The following SLC39A12 variants were observed in gnomAD, a reference collection of about 807,000 sequenced individuals.
The protein encoded by SLC39A12 is solute carrier family 39 member 12, also known as zinc transporter ZIP12.
SLC39A12 carries 63 observed loss-of-function variants against 71.1 expected under a neutral mutation model. That is an observed-to-expected ratio of 0.89 (90% confidence interval 0.72 to 1.09). SLC39A12 has a LOEUF of 1.09. SLC39A12 is among the 50% of genes least tolerant of loss of function. The pLI, the probability that SLC39A12 is intolerant of heterozygous loss-of-function variation, is 0.00. For missense variants in SLC39A12, 892 were observed against 812.6 expected, an observed-to-expected ratio of 1.10 and a Z score of -1.19; for synonymous variants, 351 against 301.3, an observed-to-expected ratio of 1.16 and a Z score of -1.71.
At chr10:18,015,814 A>G (rs949509459) in intron 12 of SLC39A12, among the ~76,000 whole-genome samples, 2 of 151,974 alleles carry the variant, frequency 1.3e-5, no homozygotes, top group African/African-American at 2.4e-5. Flanking sequence ...AATGGTGGCC[A>G]GTAGTCACAT....
intron 12 of SLC39A12, among the ~76,000 whole-genome samples, chr10:18,012,564 A>G (rs1836256492): frequency 6.6e-6 from 1 of 151,910 alleles, no homozygotes; most frequent in African/African-American, 2.4e-5. Context: ...GAAGTAGAAA[A>G]CCCTGCAGAC....
At chr10:18,031,614 T>G (rs1378693513) in intron 12 of SLC39A12, among the ~76,000 whole-genome samples, 1 of 112,506 alleles carries the variant, frequency 8.9e-6, no homozygotes, top group East Asian at 2.4e-4. Flanking sequence ...TTCACTCTGA[T>G]GGTAGTTTCT....
chr10:18,040,144 C>T (rs952489354), intron 12 of SLC39A12, among the ~76,000 whole-genome samples: 1 of 152,154 alleles, frequency 6.6e-6, no homozygotes, highest in East Asian at 1.9e-4. Context: ...CACTTTACTA[C>T]AAAATTGAAA....
Position 18,024,290 on chromosome 10 carries a change from G to T in SLC39A12, c.1948-18415G>T, listed in dbSNP as rs555137140. The stretch of plus-strand genomic sequence containing the variant: ...GTGTTCAGGAATCCAAGGCCCTTGG[G>T]GTTCCTCATGGGCCTGAAAAGCGGC... On this transcript the variant is annotated intron_variant, in intron 12 of 12. Transcript: ENST00000377369. 3.7e-4 allele frequency among the ~76,000 whole-genome samples: 57 copies of T among 152,166 alleles called. 1 individual carries two copies. In the South Asian group the frequency reaches 0.012, roughly 31 times the overall value.
chr10:17,975,530 G>C (rs945396423), intron 4 of SLC39A12, among the ~76,000 whole-genome samples: 6 of 152,030 alleles, frequency 3.9e-5, no homozygotes, highest in Non-Finnish European at 8.8e-5. Flanking sequence ...CTGTGGCTGA[G>C]CTGGTATCCA....
rs541075601 is a variant in SLC39A12, at chr10:18,006,236, AAAG to A, written c.1947+2887_1947+2889del. Among the ~76,000 whole-genome samples, 183 of 152,340 alleles carry A rather than the reference AAAG, an allele frequency of 1.2e-3. 1 individual carries two copies. Among genetic ancestry groups the A allele is most frequent in the African/African-American group, 4.0e-3 (166 of 41,572 alleles). Reference sequence around the variant, plus strand: ...TTGGGTGTGTTATTTCAAACTCCCAAAAGAAGAAGAACTAGAGACATAAATGAG... The same window carrying A: ...TTGGGTGTGTTATTTCAAACTCCCAAAAGAAGAACTAGAGACATAAATGAG... On this transcript the variant is annotated intron_variant, in intron 12 of 12. Transcript: ENST00000377369.
intron 12 of SLC39A12, among the ~76,000 whole-genome samples, chr10:18,018,921 A>G (rs1186781169): frequency 1.3e-5 from 2 of 152,128 alleles, no homozygotes; most frequent in African/African-American, 4.8e-5. Flanking sequence ...GTTAGGAAAT[A>G]TTCCTTCTAC....
intron 9 of SLC39A12, among the ~76,000 whole-genome samples, chr10:17,994,060 G>A (rs1189217793): frequency 2.6e-5 from 4 of 152,114 alleles, no homozygotes; most frequent in Admixed American, 6.6e-5. Flanking sequence ...CTCAGAGATA[G>A]GAACCAGAAA....
intron 2 of SLC39A12, among the ~76,000 whole-genome samples, chr10:17,958,763 G>A (rs561216041): frequency 1.8e-4 from 28 of 152,208 alleles, no homozygotes; most frequent in Non-Finnish European, 2.8e-4. Context: ...CTTGCATACC[G>A]TACACAAATG....
chr10:18,006,168 G>C (rs532940831), intron 12 of SLC39A12, among the ~76,000 whole-genome samples: 1 of 152,324 alleles, frequency 6.6e-6, no homozygotes, highest in South Asian at 2.1e-4. Context: ...CAAGGTTAAT[G>C]TGAAAAGACT....
rs147588526 is a variant in SLC39A12 at position 18,000,256 on chromosome 10, C to T, written c.1601-411C>T. ...ACCACGCTAGGGGAATAAGTAGAAACGTATGAATTTTGGAGAGACACAAAC... is the reference window on the plus strand; with the variant it reads ...ACCACGCTAGGGGAATAAGTAGAAATGTATGAATTTTGGAGAGACACAAAC... On this transcript the variant is annotated intron_variant, in intron 10 of 12. Coordinates refer to ENST00000377369, the MANE Select transcript of SLC39A12 (RefSeq NM_001145195.2). Among the ~76,000 whole-genome samples, 21 of 152,234 alleles carry T rather than the reference C, an allele frequency of 1.4e-4. No homozygotes were observed. The East Asian group carries it at 1.7e-3, about 13-fold the overall frequency.
chr10:17,959,385 G>A (rs1252382693), intron 2 of SLC39A12, among the ~76,000 whole-genome samples: 2 of 151,964 alleles, frequency 1.3e-5, no homozygotes, highest in Non-Finnish European at 2.9e-5. Context: ...AAGTCTGTGT[G>A]GTTTTATGAA....
Position 17,978,002 on chromosome 10 carries a change from T to A in SLC39A12, c.852T>A (p.His284Gln). 6.2e-7 allele frequency: 1 copy of A among 1,610,026 alleles called. No homozygotes were observed. Among genetic ancestry groups the A allele is most frequent in the Non-Finnish European group, 8.5e-7 (1 of 1,178,446 alleles). ...FQRKQNNIIT[H>Q]DQDYSNFSSS... ...GGAAACAAAACAACATAATAACCCA[T>A]GATCAGGACTATTCTAATTTCTCTT... Residue 284 changes from histidine to glutamine, a missense_variant, in exon 5 of 13, where the codon CAT (histidine) becomes CAA (glutamine). Coordinates refer to ENST00000377369, the MANE Select transcript of SLC39A12 (RefSeq NM_001145195.2).
Position 17,987,581 on chromosome 10 carries a change from T to A in SLC39A12, c.1199T>A (p.Ile400Asn). 1 of 1,614,116 alleles carries A rather than the reference T, an allele frequency of 6.2e-7. No homozygotes were observed. ...FHSCEENYRL[I>N]LQLFVGLAVG... ...AGCTGTGAGGAGAACTACAGGCTTA[T>A]CTTACAGCTGTTTGTGGGCTTGGCC... The change falls in exon 7 of 13, where the codon ATC becomes AAC. Residue 400 changes from isoleucine to asparagine, a missense_variant. Coordinates refer to ENST00000377369, the MANE Select transcript of SLC39A12 (RefSeq NM_001145195.2).
At chr10:17,997,660 G>A (rs1261622987) in intron 10 of SLC39A12, among the ~76,000 whole-genome samples, 1 of 152,112 alleles carries the variant, frequency 6.6e-6, no homozygotes, top group Admixed American at 6.5e-5. Flanking sequence ...AATGAATAGT[G>A]AACATATCCA....
intron 7 of SLC39A12, among the ~76,000 whole-genome samples, chr10:17,989,597 T>G (rs1010092883): frequency 6.1e-5 from 7 of 114,184 alleles, no homozygotes; most frequent in African/African-American, 2.1e-4. Flanking sequence ...TTCCCGAAAT[T>G]TTGTAGACAG....
chr10:18,013,688 A>G (rs1836297957), intron 12 of SLC39A12, among the ~76,000 whole-genome samples: 1 of 152,104 alleles, frequency 6.6e-6, no homozygotes, highest in Non-Finnish European at 1.5e-5. Flanking sequence ...TTGAATGTGT[A>G]TATCCAGTTT....
intron 12 of SLC39A12, among the ~76,000 whole-genome samples, chr10:18,012,542 A>C (rs1836256166): frequency 6.6e-6 from 1 of 152,156 alleles, no homozygotes; most frequent in South Asian, 2.1e-4. Context: ...GCAAACCATC[A>C]CAAAGAAATT....
Position 18,042,720 on chromosome 10 carries a change from C to G in SLC39A12, c.1963C>G (p.His655Asp), listed in dbSNP as rs554703011. Residue 655 changes from histidine to aspartate, a missense_variant, in exon 13 of 13, where the codon CAT becomes GAT. Transcript: ENST00000377369. ...SLVEMLPEMT[H>D]VQTQRPWMMF... ...CTTTTTTTAGCTTCCTGAAATGACT[C>G]ATGTTCAAACACAACGACCCTGGAT... is the stretch of plus-strand genomic sequence containing the variant. 101 of 1,606,282 alleles carry G rather than the reference C, an allele frequency of 6.3e-5. No individual in the cohort carries two copies. In the South Asian group the frequency reaches 1.1e-3, roughly 18 times the overall value.
Sources: gnomAD v4.1 joint callset for allele counts (sites outside exome capture counted in the v4.1 genomes callset) on GRCh38, gnomAD v4.1.1 for gene constraint, MANE v1.5 for transcripts, NCBI Gene and HGNC (gene_info 2026-07-23, HGNC 2026-07-21) for gene names.